The following MOV10L1 variants were observed in gnomAD, a reference collection of about 807,000 sequenced individuals.
The protein encoded by MOV10L1 is Mov10 like RNA helicase 1.
A neutral mutation model predicts 143.8 loss-of-function variants in MOV10L1; 110 were observed. The ratio of observed to expected loss-of-function variants is 0.76; its 90% CI spans 0.66 to 0.90. The LOEUF (loss-of-function observed/expected upper bound fraction) is 0.90. Ranked by LOEUF, MOV10L1 falls within the 40% of genes least tolerant of loss-of-function variation. The pLI, the probability that MOV10L1 is intolerant of heterozygous loss-of-function variation, is 0.00. For synonymous variants in MOV10L1, 593 were observed against 581.1 expected (o/e 1.02, Z -0.29); for missense variants, 1,406 against 1,526.8 (o/e 0.92, Z 1.32).
chr22:50,149,790 G>A lies in MOV10L1; in HGVS notation c.2727+76G>A, dbSNP rs537425131. ...AGGGGATGCAGGCTGCGATCCTGCC[G>A]GGAACAGTCACAGCTGTACAGGGGT... is the stretch of plus-strand genomic sequence containing the variant. On this transcript the variant is annotated intron_variant, in intron 20 of 26. Coordinates refer to ENST00000262794, the MANE Select transcript of MOV10L1 (RefSeq NM_018995.3). 4.1e-5 allele frequency: 56 copies of A among 1,363,000 alleles called. 2 individuals are homozygous for A. Among genetic ancestry groups the A allele is most frequent in the African/African-American group, 8.5e-5 (6 of 70,292 alleles). 84.4% of individuals were successfully genotyped at this position (1,363,000 alleles called of 1,614,324 possible).
In MOV10L1 at chr22:50,124,142, T is replaced by C. The variant is rs1365790787; in HGVS notation, c.1570-1250T>C. Among the ~76,000 whole-genome samples, 6 of 152,162 alleles carry C rather than the reference T, an allele frequency of 3.9e-5. No homozygotes were observed. In the East Asian group the frequency reaches 1.2e-3, roughly 29 times the overall value. Reference sequence around the variant, plus strand: ...TTCTCTCTTTTGTTCATCTCTCCTCTAATCTTTATTTCCTTCCTTCTGCTA... The same window carrying C: ...TTCTCTCTTTTGTTCATCTCTCCTCCAATCTTTATTTCCTTCCTTCTGCTA... On this transcript the variant is annotated intron_variant, in intron 10 of 26. Transcript: ENST00000262794.
intron 19 of MOV10L1, among the ~76,000 whole-genome samples, chr22:50,148,537 C>G (rs1283460238): frequency 6.6e-6 from 1 of 152,210 alleles, no homozygotes; most frequent in African/African-American, 2.4e-5. Flanking sequence ...TCCCTTGTCA[C>G]ACGGAGAAGG....
chr22:50,139,516 A>G (rs1187496561), intron 15 of MOV10L1, among the ~76,000 whole-genome samples: 2 of 151,950 alleles, frequency 1.3e-5, no homozygotes, highest in Admixed American at 1.3e-4. Flanking sequence ...GTTCCAGGCT[A>G]GCCTGGGCAA....
In MOV10L1 at chr22:50,153,228, G is replaced by A; in HGVS notation, c.3066+10G>A. The A allele has an allele frequency of 6.2e-7, 1 of 1,608,162 alleles. No homozygotes were observed. On this transcript the variant is annotated intron_variant, in intron 22 of 26. Transcript: ENST00000262794. Reference sequence around the variant, plus strand: ...CTTCCATGGTGTGCGGGTGAGTTGTGTCTTGAATCCGTAGGTGACCGTGTC... The same window carrying A: ...CTTCCATGGTGTGCGGGTGAGTTGTATCTTGAATCCGTAGGTGACCGTGTC...
At position 50,155,445 on chromosome 22, in the gene MOV10L1, C is replaced by A. The variant is rs79497795; in HGVS notation, c.3066+2227C>A. ...CCAACTAATTTTCGTATTTTTACTG[C>A]TTTATCTGGTGGTGACTTTTTGGGG... is the stretch of plus-strand genomic sequence containing the variant. On this transcript the variant is annotated intron_variant, in intron 22 of 26. Transcript: ENST00000262794. Among the ~76,000 whole-genome samples the A allele has an allele frequency of 2.0e-5, 3 of 151,518 alleles. No homozygotes were observed. In the East Asian group the frequency reaches 5.8e-4, roughly 29 times the overall value.
intron 22 of MOV10L1, among the ~76,000 whole-genome samples, chr22:50,156,110 T>C (rs1344016981): frequency 6.6e-6 from 1 of 151,966 alleles, no homozygotes; most frequent in Admixed American, 6.6e-5. Flanking sequence ...AAATTTGTCA[T>C]GTTAAAAACT....
chr22:50,153,896 G>A (rs2063359566), intron 22 of MOV10L1, among the ~76,000 whole-genome samples: 1 of 151,746 alleles, frequency 6.6e-6, no homozygotes, highest in Admixed American at 6.5e-5. Context: ...CGGGCCACAC[G>A]GGGAACCCTG....
At chr22:50,090,596 C>A (rs1906909095) in intron 1 of MOV10L1, 2 of 1,509,864 alleles carry the variant, frequency 1.3e-6, no homozygotes, top group African/African-American at 1.4e-5. Flanking sequence ...CGTGCCATTT[C>A]CTTGTCTGGT....
chr22:50,092,349 G>C (rs550508763), intron 2 of MOV10L1, among the ~76,000 whole-genome samples, 164 bp downstream of exon 2: 39 of 152,312 alleles, frequency 2.6e-4, no homozygotes, highest in Middle Eastern at 6.8e-3. Context: ...TTAAAAAATA[G>C]ACTGGGTACA....
chr22:50,099,892 G>C (rs2062693804), intron 3 of MOV10L1, among the ~76,000 whole-genome samples: 1 of 152,214 alleles, frequency 6.6e-6, no homozygotes, highest in African/African-American at 2.4e-5. Context: ...TTCGGGATTA[G>C]AGTAGCTTCT....
chr22:50,117,975 C>T (rs1258878882), intron 9 of MOV10L1, among the ~76,000 whole-genome samples: 1 of 152,084 alleles, frequency 6.6e-6, no homozygotes, highest in Non-Finnish European at 1.5e-5. Context: ...GACTTAGTCC[C>T]GTGTGATGTG....
At chr22:50,134,169 G>A in intron 14 of MOV10L1, 104 bp downstream of exon 14, 2 of 881,086 alleles carry the variant, frequency 2.3e-6, no homozygotes, top group Non-Finnish European at 3.3e-6. Flanking sequence ...AATATTAGAA[G>A]TAAAACTTTT....
At position 50,161,607 on chromosome 22, in the gene MOV10L1, G is replaced by A. The variant is rs2063561710; in HGVS notation, c.*158G>A. 5 of 695,298 alleles carry A rather than the reference G, an allele frequency of 7.2e-6. 1 individual carries two copies. The highest frequency in any genetic ancestry group is 8.1e-4 in the Middle Eastern group (2 of 2,466). 43.1% of individuals were successfully genotyped at this position (695,298 alleles called of 1,614,324 possible). ...GGTTGGACGCAGCTGCTGCTGCCCT[G>A]ACTTTGGCATATGCCAGCCTGTTCC... On this transcript the variant is annotated 3_prime_UTR_variant, in exon 27 of 27. Coordinates refer to ENST00000262794, the MANE Select transcript of MOV10L1 (RefSeq NM_018995.3).
At chr22:50,105,779 A>T (rs1420075440) in intron 3 of MOV10L1, among the ~76,000 whole-genome samples, 1 of 152,206 alleles carries the variant, frequency 6.6e-6, no homozygotes, top group African/African-American at 2.4e-5. Flanking sequence ...GGAGCAGCAA[A>T]GAGAAAATGA....
At chr22:50,100,668 G>A (rs1409564769) in intron 3 of MOV10L1, among the ~76,000 whole-genome samples, 2 of 152,054 alleles carry the variant, frequency 1.3e-5, no homozygotes, top group African/African-American at 4.8e-5. Context: ...ACCACAGCAG[G>A]CTAACTTTTT....
intron 10 of MOV10L1, among the ~76,000 whole-genome samples, chr22:50,124,240 A>G (rs1196543529): frequency 5.9e-5 from 9 of 152,122 alleles, no homozygotes; most frequent in South Asian, 4.1e-4. Flanking sequence ...CATAGTCACA[A>G]ATTCCCTCAG....
chr22:50,144,171 G>A lies in MOV10L1; in HGVS notation c.2433G>A (p.Leu811=). ...ACAGTGCTGCTGACCTCGTGTGTCTGCGGCTGCACGAGAGCAAGGTGCTAC... is the reference window on the plus strand; with the variant it reads ...ACAGTGCTGCTGACCTCGTGTGTCTACGGCTGCACGAGAGCAAGGTGCTAC... ...PSNSAADLVC[L]RLHESKVLQP... The change falls in exon 18 of 27, where the codon CTG becomes CTA. Residue 811 remains leucine, a synonymous_variant. Coordinates refer to ENST00000262794, the MANE Select transcript of MOV10L1 (RefSeq NM_018995.3). 1 of 1,613,460 alleles carries A rather than the reference G, an allele frequency of 6.2e-7. No individual in the cohort carries two copies. Among genetic ancestry groups the A allele is most frequent in the Middle Eastern group, 1.7e-4 (1 of 6,060 alleles).
rs117989126 is a variant in MOV10L1 at position 50,147,991 on chromosome 22, C to T, written c.2628-1624C>T. On this transcript the variant is annotated intron_variant, in intron 19 of 26. Transcript: ENST00000262794. ...CCCAGCACTGCTGTAAGCAGGAGCC[C>T]GCCCCCGCACAGGTCTGACCACAGG... 9.5e-3 allele frequency among the ~76,000 whole-genome samples: 1,453 copies of T among 152,320 alleles called. 18 individuals are homozygous for T. Among genetic ancestry groups the T allele is most frequent in the East Asian group, 0.037 (193 of 5,174 alleles).
chr22:50,116,091 AT>A (rs1569289622), intron 8 of MOV10L1, among the ~76,000 whole-genome samples: 1 of 151,934 alleles, frequency 6.6e-6, no homozygotes, highest in African/African-American at 2.4e-5. Flanking sequence ...CTAATTCTAA[AT>A]TTTTTGAAAA....
Sources: gnomAD v4.1 joint callset for allele counts (sites outside exome capture counted in the v4.1 genomes callset) on GRCh38, gnomAD v4.1.1 for gene constraint, MANE v1.5 for transcripts, NCBI Gene and HGNC (gene_info 2026-07-23, HGNC 2026-07-21) for gene names.